The following MAN1A2 variants were observed in gnomAD, a reference collection of about 807,000 sequenced individuals.
The protein encoded by MAN1A2 is mannosidase alpha class 1A member 2.
A neutral mutation model predicts 75.7 loss-of-function variants in MAN1A2; 26 were observed. The observed-to-expected ratio is 0.34, with a 90% CI of 0.25 to 0.48. MAN1A2 has a LOEUF of 0.48. Among genes scored for constraint, MAN1A2 ranks in the 20% least tolerant of loss-of-function variants. MAN1A2 has a pLI of 0.99. For synonymous variants in MAN1A2, 247 were observed against 264.6 expected (o/e 0.93, Z 0.65); for missense variants, 562 against 775.5 (o/e 0.72, Z 3.27).
chr1:117,428,353 G>T (rs1648449230), intron 5 of MAN1A2, among the ~76,000 whole-genome samples: 1 of 151,964 alleles, frequency 6.6e-6, no homozygotes, highest in Non-Finnish European at 1.5e-5. Flanking sequence ...GGGCTCAAGA[G>T]ATCTTCCTGC....
intron 1 of MAN1A2, among the ~76,000 whole-genome samples, chr1:117,378,544 C>T (rs1653230557): frequency 6.6e-6 from 1 of 152,000 alleles, no homozygotes; most frequent in South Asian, 2.1e-4. Flanking sequence ...GTTGCAAAAA[C>T]ATTCTGTACA....
At chr1:117,401,719 G>A (rs1289938) in intron 1 of MAN1A2, among the ~76,000 whole-genome samples, 121,055 of 152,104 alleles carry the variant, frequency 0.8, 48,777 homozygotes, top group African/African-American at 0.92. Flanking sequence ...TTACATTATA[G>A]TATCTATGCA....
intron 7 of MAN1A2, among the ~76,000 whole-genome samples, chr1:117,461,964 T>C (rs1298677805): frequency 2.0e-5 from 3 of 152,194 alleles, no homozygotes; most frequent in African/African-American, 7.2e-5. Flanking sequence ...GTTATCAACA[T>C]TGACAGTATA....
At chr1:117,475,739 C>T (rs1308246494) in intron 8 of MAN1A2, among the ~76,000 whole-genome samples, 1 of 152,054 alleles carries the variant, frequency 6.6e-6, no homozygotes, top group Non-Finnish European at 1.5e-5. Flanking sequence ...GTATATGTGC[C>T]ACATTTTCTT....
intron 7 of MAN1A2, among the ~76,000 whole-genome samples, chr1:117,462,599 G>A (rs779078839): frequency 5.3e-5 from 8 of 152,142 alleles, no homozygotes; most frequent in Admixed American, 3.3e-4. Context: ...GAAATGTTAT[G>A]TATAGTTTTG....
chr1:117,439,150 A>T (rs1648944045), intron 5 of MAN1A2, among the ~76,000 whole-genome samples: 3 of 152,156 alleles, frequency 2.0e-5, no homozygotes, highest in Admixed American at 2.0e-4. Flanking sequence ...AGGCGAGTGG[A>T]GCTAATGTAG....
chr1:117,370,484 G>A (rs1365127681), intron 1 of MAN1A2, among the ~76,000 whole-genome samples: 1 of 152,082 alleles, frequency 6.6e-6, no homozygotes, highest in Non-Finnish European at 1.5e-5. Flanking sequence ...CGTATTATTT[G>A]CTGTTGTTTA....
chr1:117,515,244 A>G (rs12117151), intron 12 of MAN1A2: 17,556 of 156,974 alleles, frequency 0.11, 1,080 homozygotes, highest in Non-Finnish European at 0.14. Context: ...CCTAGGCAAT[A>G]TAACAACTAT....
At chr1:117,490,376 G>C (rs1650842788) in intron 8 of MAN1A2, among the ~76,000 whole-genome samples, 1 of 151,944 alleles carries the variant, frequency 6.6e-6, no homozygotes, top group Non-Finnish European at 1.5e-5. Context: ...TCCGTAATCA[G>C]TGATCTTTGA....
chr1:117,504,314 GTT>G (rs56375805), intron 12 of MAN1A2, among the ~76,000 whole-genome samples: 80 of 137,968 alleles, frequency 5.8e-4, no homozygotes, highest in Admixed American at 1.2e-3. Flanking sequence ...TATCTCTCCT[GTT>G]TTTTTTTTTT....
chr1:117,432,921 T>C (rs1648719698), intron 5 of MAN1A2, among the ~76,000 whole-genome samples: 1 of 148,358 alleles, frequency 6.7e-6, no homozygotes, highest in African/African-American at 2.4e-5. Flanking sequence ...AGATAAAAGA[T>C]ATATAAAAGA....
At chr1:117,378,788 G>A (rs1553229329) in intron 1 of MAN1A2, among the ~76,000 whole-genome samples, 1 of 152,232 alleles carries the variant, frequency 6.6e-6, no homozygotes, top group Non-Finnish European at 1.5e-5. Flanking sequence ...TACTAGAGGT[G>A]AAACACGTAT....
chr1:117,411,868 T>C (rs1647829900), intron 3 of MAN1A2, among the ~76,000 whole-genome samples: 1 of 151,784 alleles, frequency 6.6e-6, no homozygotes, highest in African/African-American at 2.4e-5. Flanking sequence ...ATACATTGTA[T>C]TGGGAATGTA....
intron 8 of MAN1A2, among the ~76,000 whole-genome samples, chr1:117,473,023 A>G (rs1650209379): frequency 6.6e-6 from 1 of 151,366 alleles, no homozygotes; most frequent in African/African-American, 2.4e-5. Context: ...CAAATCTAGA[A>G]CTCTAGTCCT....
At chr1:117,423,635 T>C (rs564266062) in intron 5 of MAN1A2, among the ~76,000 whole-genome samples, 1 of 152,272 alleles carries the variant, frequency 6.6e-6, no homozygotes, top group Non-Finnish European at 1.5e-5. Context: ...CCATTGTTCA[T>C]TGTCAGTATA....
intron 1 of MAN1A2, among the ~76,000 whole-genome samples, chr1:117,400,142 C>T (rs1647373968): frequency 6.6e-6 from 1 of 152,012 alleles, no homozygotes; most frequent in South Asian, 2.1e-4. Context: ...TGGTTTCATT[C>T]AGGGACCAAC....
chr1:117,472,085 T>C (rs1171593899), intron 8 of MAN1A2, among the ~76,000 whole-genome samples: 2 of 151,924 alleles, frequency 1.3e-5, no homozygotes, highest in Non-Finnish European at 2.9e-5. Context: ...TCTTTCCCTT[T>C]GTATCCTACA....
At chr1:117,477,195 C>T (rs1003066039) in intron 8 of MAN1A2, among the ~76,000 whole-genome samples, 5 of 151,878 alleles carry the variant, frequency 3.3e-5, no homozygotes, top group African/African-American at 9.7e-5. Context: ...CCAAATTCTA[C>T]CAGAGGTACA....
intron 6 of MAN1A2, among the ~76,000 whole-genome samples, chr1:117,444,163 T>G (rs1649134330): frequency 6.6e-6 from 1 of 152,130 alleles, no homozygotes; most frequent in Non-Finnish European, 1.5e-5. Context: ...CGATTCCAGG[T>G]TACTCAATAA....
Sources: allele counts gnomAD v4.1 joint callset (sites outside exome capture counted in the v4.1 genomes callset), GRCh38; gene constraint gnomAD v4.1.1; transcripts MANE v1.5; gene names NCBI Gene and HGNC (gene_info 2026-07-23, HGNC 2026-07-21).